The following ADGRL2 variants were observed in gnomAD, a reference collection of about 807,000 sequenced individuals.
The protein encoded by ADGRL2 is calcium-independent alpha-latrotoxin receptor 2.
Under a neutral mutation model 157.4 loss-of-function variants are expected in ADGRL2, and 44 were observed. The ratio of observed to expected loss-of-function variants is 0.28; its 90% CI spans 0.22 to 0.36. The LOEUF is 0.36. ADGRL2 is among the 10% of genes least tolerant of loss of function. ADGRL2 has a pLI of 1.00. For synonymous variants in ADGRL2, 585 were observed against 624.7 expected, an observed-to-expected ratio of 0.94 and a Z score of 0.95; for missense variants, 1,510 against 1,768.9, an observed-to-expected ratio of 0.85 and a Z score of 2.63.
chr1:81,706,007 G>A (rs927023063), intron 1 of ADGRL2, among the ~76,000 whole-genome samples: 24 of 152,100 alleles, frequency 1.6e-4, no homozygotes, highest in Admixed American at 1.2e-3. Flanking sequence ...TCAGGAGATC[G>A]AGACCATCCT....
At chr1:81,323,650 A>G (rs1289903624) in intron 1 of ADGRL2, among the ~76,000 whole-genome samples, 2 of 152,146 alleles carry the variant, frequency 1.3e-5, no homozygotes, top group Non-Finnish European at 2.9e-5. Flanking sequence ...GATAACAAAT[A>G]GTGATAAAGA....
chr1:81,620,748 G>A (rs1217863133), intron 3 of ADGRL2, among the ~76,000 whole-genome samples: 1 of 152,178 alleles, frequency 6.6e-6, no homozygotes, highest in Non-Finnish European at 1.5e-5. Flanking sequence ...CAAAACATAT[G>A]AAAGAGAACT....
At chr1:81,763,585 T>C (rs1375099793) in intron 2 of ADGRL2, among the ~76,000 whole-genome samples, 1 of 98,590 alleles carries the variant, frequency 1.0e-5, no homozygotes, top group Non-Finnish European at 1.9e-5. Context: ...CAAGATTCAG[T>C]CTCAAAAAAA....
At chr1:81,981,225 T>G in intron 18 of ADGRL2, 1 of 245,694 alleles carries the variant, frequency 4.1e-6, no homozygotes, top group Non-Finnish European at 9.1e-6. Flanking sequence ...TACAGTTCTT[T>G]TCTTCTTAAG....
At chr1:81,959,358 CTCATTAAA>C in intron 11 of ADGRL2, among the ~76,000 whole-genome samples, 1 of 152,058 alleles carries the variant, frequency 6.6e-6, no homozygotes, top group Non-Finnish European at 1.5e-5. Flanking sequence ...GGTTGTTTGT[CTCATTAAA>C]TGAATTCTAA....
chr1:81,897,606 A>C (rs573473417), intron 2 of ADGRL2, among the ~76,000 whole-genome samples: 198 of 152,298 alleles, frequency 1.3e-3, no homozygotes, highest in Non-Finnish European at 2.3e-3. Context: ...TTAAAATGTC[A>C]AAAGGCTTTT....
intron 13 of ADGRL2, 70 bp from the exon 14 acceptor site, chr1:81,967,956 A>C: frequency 8.1e-7 from 1 of 1,237,098 alleles, no homozygotes. Context: ...CCTTTTATAC[A>C]TATTAAACAA....
intron 2 of ADGRL2, among the ~76,000 whole-genome samples, chr1:81,859,942 C>T (rs114065216): frequency 0.017 from 2,644 of 151,266 alleles, 70 homozygotes; most frequent in African/African-American, 0.059. Context: ...CCATAAAAAA[C>T]GGGCCAGGCG....
At chr1:81,730,672 G>A (rs1399722893) in intron 1 of ADGRL2, among the ~76,000 whole-genome samples, 4 of 151,970 alleles carry the variant, frequency 2.6e-5, no homozygotes, top group Non-Finnish European at 2.9e-5. Flanking sequence ...GCAGTGAACC[G>A]AGATTGTGCC....
chr1:81,979,780 C>T lies in ADGRL2; in HGVS notation c.3022-89C>T, dbSNP rs1661152000. 3 of 734,256 alleles carry T rather than the reference C, an allele frequency of 4.1e-6. No homozygotes were observed. In the South Asian group the frequency reaches 5.1e-5, roughly 12 times the overall value. The allele number at this position is 734,256 out of a possible 1,614,324, so 45.5% of individuals were successfully genotyped here. ...TAAAAAAAATTATATCAGTATCTTC[C>T]ATATAAACATGGATCGATACATTTG... On this transcript the variant is annotated intron_variant, in intron 17 of 23. Transcript: ENST00000686636.
At chr1:81,620,650 T>C (rs976225817) in intron 3 of ADGRL2, among the ~76,000 whole-genome samples, 5 of 152,200 alleles carry the variant, frequency 3.3e-5, no homozygotes, top group Non-Finnish European at 5.9e-5. Context: ...GTTATATAAC[T>C]GTGATATACC....
intron 2 of ADGRL2, among the ~76,000 whole-genome samples, chr1:81,524,943 A>G (rs2079417552): frequency 6.6e-6 from 1 of 152,154 alleles, no homozygotes. Flanking sequence ...ATACATTTGT[A>G]TAGAATATCT....
intron 1 of ADGRL2, among the ~76,000 whole-genome samples, chr1:81,402,510 G>A (rs894139675): frequency 6.6e-5 from 10 of 152,090 alleles, no homozygotes; most frequent in African/African-American, 2.2e-4. Context: ...TAACCTATAG[G>A]TTCTAACCAT....
chr1:81,348,133 T>C (rs965923319), intron 1 of ADGRL2, among the ~76,000 whole-genome samples: 2 of 152,186 alleles, frequency 1.3e-5, no homozygotes, highest in Admixed American at 6.5e-5. Flanking sequence ...TGCAGAGCCA[T>C]GGGGTGATGT....
chr1:81,555,477 C>T (rs2080252592), intron 2 of ADGRL2, among the ~76,000 whole-genome samples: 1 of 151,950 alleles, frequency 6.6e-6, no homozygotes, highest in African/African-American at 2.4e-5. Flanking sequence ...CCATATTGGC[C>T]AGTCTGGTCT....
chr1:81,737,569 T>G (rs1307079276), intron 1 of ADGRL2, among the ~76,000 whole-genome samples: 1 of 152,206 alleles, frequency 6.6e-6, no homozygotes, highest in Non-Finnish European at 1.5e-5. Flanking sequence ...TCTAGTCATG[T>G]TCATGGAGCT....
chr1:81,409,342 G>A (rs533804599), intron 1 of ADGRL2, among the ~76,000 whole-genome samples: 2 of 152,260 alleles, frequency 1.3e-5, no homozygotes, highest in African/African-American at 4.8e-5. Flanking sequence ...TTGAATAAAT[G>A]GTTTTAAACA....
intron 3 of ADGRL2, among the ~76,000 whole-genome samples, chr1:81,636,301 G>GTGTA (rs1295580564): frequency 1.3e-5 from 2 of 152,082 alleles, no homozygotes; most frequent in East Asian, 3.8e-4. Flanking sequence ...ATGTATGTGT[G>GTGTA]TGTATGTATG....
At chr1:81,354,896 C>T (rs891535502) in intron 1 of ADGRL2, among the ~76,000 whole-genome samples, 21 of 152,098 alleles carry the variant, frequency 1.4e-4, no homozygotes, top group African/African-American at 3.6e-4. Context: ...GCATTTAACC[C>T]GTGGCTGCCT....
Sources: allele counts gnomAD v4.1 joint callset (sites outside exome capture counted in the v4.1 genomes callset), GRCh38; gene constraint gnomAD v4.1.1; transcripts MANE v1.5; gene names NCBI Gene and HGNC (gene_info 2026-07-23, HGNC 2026-07-21).